Variants in TAFA5 observed in about 807,000 individuals in gnomAD.
TAFA5 encodes the protein chemokine-like protein TAFA-5.
In TAFA5, 6 loss-of-function variants were observed where a neutral mutation model predicts 15.3. The ratio of observed to expected loss-of-function variants is 0.39; its 90% CI spans 0.21 to 0.77. The LOEUF is 0.77. Ranked by LOEUF, TAFA5 falls within the 30% of genes least tolerant of loss-of-function variation. The pLI, the probability that TAFA5 is intolerant of heterozygous loss-of-function variation, is 0.41. For synonymous variants in TAFA5, 103 were observed against 80.7 expected (o/e 1.28, Z -1.48); for missense variants, 161 against 193.1 (o/e 0.83, Z 0.98).
rs76536323 is a variant in TAFA5, at chr22:48,712,728, G to A, written c.390+4884G>A. On this transcript the variant is annotated intron_variant, in intron 3 of 3. Transcript: ENST00000402357. ...CAGGTTCTCCCGAGGTGTGAGCAAC[G>A]CTCCTTCTTGGCCCGCCACTCTGGC... Among the ~76,000 whole-genome samples the A allele has an allele frequency of 9.1e-4, 138 of 152,264 alleles. No individual in the cohort carries two copies. In the East Asian group the frequency reaches 0.025, roughly 28 times the overall value.
intron 1 of TAFA5, among the ~76,000 whole-genome samples, chr22:48,572,289 C>G (rs139327068): frequency 3.0e-3 from 463 of 152,300 alleles, no homozygotes; most frequent in Admixed American, 4.4e-3. Flanking sequence ...ATCACCTCTA[C>G]CCTGTGTAGC....
At chr22:48,571,574 GTTTTT>G (rs57578802) in intron 1 of TAFA5, among the ~76,000 whole-genome samples, 4 of 29,240 alleles carry the variant, frequency 1.4e-4, no homozygotes, top group East Asian at 2.1e-3. Flanking sequence ...TGCCTGGCCT[GTTTTT>G]TTTTTTTTTT....
intron 2 of TAFA5, among the ~76,000 whole-genome samples, chr22:48,650,560 C>T (rs888885056): frequency 6.6e-6 from 1 of 152,164 alleles, no homozygotes; most frequent in South Asian, 2.1e-4. Context: ...AGAAATGCTT[C>T]TCTTTGTGAA....
intron 2 of TAFA5, among the ~76,000 whole-genome samples, chr22:48,691,239 C>G (rs1287052491): frequency 6.6e-6 from 1 of 152,160 alleles, no homozygotes; most frequent in Non-Finnish European, 1.5e-5. Flanking sequence ...GGCCCCTTCC[C>G]TTGTTTGCCA....
chr22:48,576,304 AG>A, intron 1 of TAFA5: 1 of 821,822 alleles, frequency 1.2e-6, no homozygotes, highest in Non-Finnish European at 1.5e-6. Context: ...CCCCCTGCCC[AG>A]AAAGACACAA....
At position 48,523,454 on chromosome 22, in the gene TAFA5, A is replaced by T. The variant is rs560223342; in HGVS notation, c.112+33750A>T. 2.6e-5 allele frequency among the ~76,000 whole-genome samples: 4 copies of T among 152,326 alleles called. No individual in the cohort carries two copies. The South Asian group carries it at 8.3e-4, about 32-fold the overall frequency. On this transcript the variant is annotated intron_variant, in intron 1 of 3. Transcript: ENST00000402357. ...ATCACTTATCTCCTGGCTGTTGGCT[A>T]CTTGAGCAGGAAGGAGGCTTGGGAT...
intron 1 of TAFA5, among the ~76,000 whole-genome samples, chr22:48,618,907 A>G (rs1168327698): frequency 2.6e-5 from 4 of 152,116 alleles, no homozygotes; most frequent in African/African-American, 7.2e-5. Flanking sequence ...ATTTTCACCT[A>G]GGCCCTGGGA....
chr22:48,709,806 C>G (rs1601689736), intron 3 of TAFA5, among the ~76,000 whole-genome samples: 1 of 152,212 alleles, frequency 6.6e-6, no homozygotes, highest in East Asian at 1.9e-4. Flanking sequence ...CAGGTCATCA[C>G]TTGGATGCAG....
At chr22:48,711,586 C>A (rs936300298) in intron 3 of TAFA5, among the ~76,000 whole-genome samples, 1 of 152,142 alleles carries the variant, frequency 6.6e-6, no homozygotes, top group African/African-American at 2.4e-5. Context: ...CCCAGTTGTG[C>A]GATTGCATCT....
At chr22:48,501,490 T>C (rs1476407588) in intron 1 of TAFA5, among the ~76,000 whole-genome samples, 2 of 152,176 alleles carry the variant, frequency 1.3e-5, no homozygotes, top group East Asian at 1.9e-4. Context: ...GACGCCTTCC[T>C]GGTCCTGGCC....
In TAFA5 at chr22:48,530,906, G is replaced by A. The variant is rs1161436238; in HGVS notation, c.112+41202G>A. Among the ~76,000 whole-genome samples the A allele has an allele frequency of 6.6e-6, 1 of 152,188 alleles. No homozygotes were observed. Among genetic ancestry groups the A allele is most frequent in the East Asian group, 1.9e-4 (1 of 5,174 alleles). ...ATGAAAGTGGCTGAGATGTCACAGTGACATGACAGACTGAGCTTCCACTGT... is the reference window on the plus strand; with the variant it reads ...ATGAAAGTGGCTGAGATGTCACAGTAACATGACAGACTGAGCTTCCACTGT... On this transcript the variant is annotated intron_variant, in intron 1 of 3. Coordinates refer to ENST00000402357, the MANE Select transcript of TAFA5 (RefSeq NM_001082967.3). This position sits in a 1 kb window ranked among gnomAD's most constrained non-coding sequence, Gnocchi z 6.0.
chr22:48,591,759 C>T (rs1924575503), intron 1 of TAFA5, among the ~76,000 whole-genome samples: 1 of 152,120 alleles, frequency 6.6e-6, no homozygotes, highest in Non-Finnish European at 1.5e-5. Context: ...GCAGCATGTT[C>T]CCCAGTCAGG....
At chr22:48,681,819 A>AACTTCTGCACCCCTGTGGATG (rs1486281591) in intron 2 of TAFA5, among the ~76,000 whole-genome samples, 18 of 122,286 alleles carry the variant, frequency 1.5e-4, no homozygotes, top group South Asian at 8.3e-4. Context: ...TGTTGTCCAC[A>AACTTCTGCACCCCTGTGGATG]TGTAGACTCT....
intron 3 of TAFA5, among the ~76,000 whole-genome samples, chr22:48,735,410 G>A (rs933135512): frequency 6.6e-5 from 10 of 152,172 alleles, no homozygotes; most frequent in African/African-American, 1.7e-4. Flanking sequence ...GGCAAAGTCC[G>A]CAAATAGAGA....
chr22:48,701,918 G>A (rs947695455), intron 2 of TAFA5, among the ~76,000 whole-genome samples: 8 of 152,204 alleles, frequency 5.3e-5, no homozygotes, highest in Non-Finnish European at 7.3e-5. Context: ...CAGCGGCTGC[G>A]TCATCCCGGG....
At chr22:48,677,410 G>A (rs1001407395) in intron 2 of TAFA5, among the ~76,000 whole-genome samples, 2 of 152,198 alleles carry the variant, frequency 1.3e-5, no homozygotes, top group Admixed American at 6.5e-5. Flanking sequence ...GCCGGGCCAC[G>A]CGATTGCAGA....
chr22:48,614,002 G>A (rs1037720038), intron 1 of TAFA5, among the ~76,000 whole-genome samples: 2 of 152,222 alleles, frequency 1.3e-5, no homozygotes, highest in African/African-American at 2.4e-5. Flanking sequence ...GGACAAAGCC[G>A]CTCGCGAGCA....
At chr22:48,576,807 G>C (rs1923826673) in intron 1 of TAFA5, among the ~76,000 whole-genome samples, 1 of 151,820 alleles carries the variant, frequency 6.6e-6, no homozygotes, top group African/African-American at 2.4e-5. Flanking sequence ...GGGTCGGGGC[G>C]CGCTGCGTTC....
intron 1 of TAFA5, among the ~76,000 whole-genome samples, chr22:48,553,408 C>A (rs941167733): frequency 6.6e-6 from 1 of 152,196 alleles, no homozygotes; most frequent in African/African-American, 2.4e-5. Context: ...GGCGCCCGGG[C>A]CAGAGGGAAT....
Sources: gnomAD v4.1 joint callset for allele counts (sites outside exome capture counted in the v4.1 genomes callset) on GRCh38, gnomAD v4.1.1 for gene constraint, Gnocchi (gnomAD v3.1) non-coding constraint, MANE v1.5 for transcripts, NCBI Gene and HGNC (gene_info 2026-07-23, HGNC 2026-07-21) for gene names.